Variants in ANKRD6 observed in about 807,000 individuals in gnomAD.
The protein encoded by ANKRD6 is ankyrin repeat domain-containing protein 6.
ANKRD6 carries 56 observed loss-of-function variants against 82.3 expected under a neutral mutation model. That is an observed-to-expected ratio of 0.68 (90% CI 0.55 to 0.85). The LOEUF (loss-of-function observed/expected upper bound fraction) is 0.85, where lower values mean the gene tolerates loss of function less well. ANKRD6 is among the 40% of genes least tolerant of loss of function. The pLI is 0.00. For missense variants in ANKRD6, 852 were observed against 907.6 expected (o/e 0.94, Z 0.79); for synonymous variants, 347 against 352.1 (o/e 0.99, Z 0.16).
At chr6:89,489,880 T>C (rs2127836637) in intron 1 of ANKRD6, among the ~76,000 whole-genome samples, 1 of 152,246 alleles carries the variant, frequency 6.6e-6, no homozygotes, top group South Asian at 2.1e-4. Context: ...TGACTTGGGG[T>C]GGACTTCAGC....
intron 8 of ANKRD6, 90 bp from the exon 9 acceptor site, chr6:89,617,864 G>A (rs1218790531): frequency 6.3e-6 from 8 of 1,277,810 alleles, no homozygotes; most frequent in Non-Finnish European, 7.9e-6. Context: ...GTGTGGAACT[G>A]CCTGCTCCTG....
intron 6 of ANKRD6, among the ~76,000 whole-genome samples, chr6:89,613,039 A>G (rs1201590232): frequency 1.3e-5 from 2 of 152,208 alleles, no homozygotes; most frequent in Non-Finnish European, 2.9e-5. Context: ...AATGCAGGGG[A>G]GAAAAGTATG....
intron 1 of ANKRD6, among the ~76,000 whole-genome samples, chr6:89,546,005 C>T (rs761029211): frequency 2.6e-5 from 4 of 152,138 alleles, no homozygotes; most frequent in African/African-American, 4.8e-5. Flanking sequence ...GACGGGGTTT[C>T]ACCGTGTTAT....
At chr6:89,452,082 GAGGCAGGAGGATTACC>G (rs1452029728) in intron 1 of ANKRD6, among the ~76,000 whole-genome samples, 2 of 152,196 alleles carry the variant, frequency 1.3e-5, no homozygotes, top group African/African-American at 4.8e-5. Flanking sequence ...TTGGGAAGCT[GAGGCAGGAGGATTACC>G]TGAGCCCAGG....
Position 89,627,701 on chromosome 6 carries a change from G to T in ANKRD6, c.1485+5G>T. The T allele has an allele frequency of 6.2e-7, 1 of 1,613,334 alleles. No homozygotes were observed. The highest frequency in any genetic ancestry group is 8.5e-7 in the Non-Finnish European group (1 of 1,179,468). ...CATGAGGGGGAGAAACGACAGGTAG[G>T]AACCAGCATCTGCTAGTCCTTAACT... On this transcript the variant is annotated splice_donor_5th_base_variant and intron_variant, in intron 14 of 15. Coordinates refer to ENST00000339746, the MANE Select transcript of ANKRD6 (RefSeq NM_001242809.2).
intron 1 of ANKRD6, among the ~76,000 whole-genome samples, chr6:89,526,792 C>T (rs1782550903): frequency 6.6e-6 from 1 of 152,162 alleles, no homozygotes; most frequent in East Asian, 1.9e-4. Context: ...GAGCCTATGG[C>T]GTAGGCTCCA....
chr6:89,613,205 C>T (rs1034988218), intron 6 of ANKRD6, among the ~76,000 whole-genome samples: 2 of 152,244 alleles, frequency 1.3e-5, no homozygotes, highest in Admixed American at 1.3e-4. Context: ...TTCTTCATAC[C>T]CTTTTTTTGC....
intron 2 of ANKRD6, among the ~76,000 whole-genome samples, chr6:89,587,440 G>A (rs1040645960): frequency 2.0e-5 from 3 of 152,186 alleles, no homozygotes; most frequent in African/African-American, 7.2e-5. Flanking sequence ...AGTGAGCCAG[G>A]ATGGTGCCAC....
Position 89,433,545 on chromosome 6 carries a change from G to C in ANKRD6, c.-144+170G>C, listed in dbSNP as rs1770218785. ...ACCGCGCCTCGCCCCCTGGCCTGCG[G>C]CCTCCGAAAACGCCCGGCGCGAGGG... On this transcript the variant is annotated intron_variant, in intron 1 of 15. Transcript: ENST00000339746. This position sits in a 1 kb window ranked among gnomAD's most constrained non-coding sequence, Gnocchi z 4.3. Among the ~76,000 whole-genome samples, 1 of 152,230 alleles carries C rather than the reference G, an allele frequency of 6.6e-6. No homozygotes were observed. The highest frequency in any genetic ancestry group is 2.4e-5 in the African/African-American group (1 of 41,470).
intron 1 of ANKRD6, among the ~76,000 whole-genome samples, chr6:89,459,830 A>C (rs1391357123): frequency 6.6e-6 from 1 of 152,054 alleles, no homozygotes; most frequent in African/African-American, 2.4e-5. Flanking sequence ...AAACATTATG[A>C]CAGTTATAAG....
At chr6:89,464,603 T>G (rs1774607600) in intron 1 of ANKRD6, among the ~76,000 whole-genome samples, 1 of 152,268 alleles carries the variant, frequency 6.6e-6, no homozygotes, top group Non-Finnish European at 1.5e-5. Context: ...TTCTGTATTT[T>G]AATAATGCAT....
rs575755893 is a variant in ANKRD6, at chr6:89,510,984, C to A, written c.-143-55850C>A. Among the ~76,000 whole-genome samples the A allele has an allele frequency of 2.6e-5, 4 of 152,294 alleles. No individual in the cohort carries two copies. In the South Asian group the frequency reaches 8.3e-4, roughly 32 times the overall value. ...CAGGGAATAAAGGGAGCGGTAGAAT[C>A]ACCTGCTGACAACATCTCCTCTTCA... On this transcript the variant is annotated intron_variant, in intron 1 of 15. Coordinates refer to ENST00000339746, the MANE Select transcript of ANKRD6 (RefSeq NM_001242809.2).
At chr6:89,483,719 C>T (rs1005367261) in intron 1 of ANKRD6, among the ~76,000 whole-genome samples, 3 of 152,118 alleles carry the variant, frequency 2.0e-5, no homozygotes, top group African/African-American at 2.4e-5. Context: ...ATGAATACTA[C>T]TAGGTGATTA....
intron 14 of ANKRD6, chr6:89,628,122 G>T: frequency 5.8e-6 from 1 of 173,036 alleles, no homozygotes; most frequent in Admixed American, 5.5e-5. Flanking sequence ...GGAAGATTTG[G>T]GTGGTTTTGG....
chr6:89,558,235 A>G (rs1292382253), intron 1 of ANKRD6, among the ~76,000 whole-genome samples: 1 of 152,200 alleles, frequency 6.6e-6, no homozygotes, highest in Non-Finnish European at 1.5e-5. Flanking sequence ...TGCAAATGAG[A>G]TGGAACTTAT....
intron 1 of ANKRD6, among the ~76,000 whole-genome samples, chr6:89,443,621 G>A (rs1352614365): frequency 6.6e-6 from 1 of 151,134 alleles, no homozygotes; most frequent in Non-Finnish European, 1.5e-5. Flanking sequence ...GGGACTACAG[G>A]CGCATGCCAC....
chr6:89,538,083 A>T (rs1784065654), intron 1 of ANKRD6, among the ~76,000 whole-genome samples: 2 of 152,156 alleles, frequency 1.3e-5, no homozygotes, highest in Non-Finnish European at 2.9e-5. Flanking sequence ...ACACATTCAA[A>T]AAGTATCCTA....
intron 3 of ANKRD6, among the ~76,000 whole-genome samples, chr6:89,600,918 TC>T (rs1411407567): frequency 6.6e-6 from 1 of 152,062 alleles, no homozygotes; most frequent in African/African-American, 2.4e-5. Context: ...GTGTCTGTAA[TC>T]CCAGCTACTC....
chr6:89,629,347 GATGGTA>G, intron 15 of ANKRD6, 109 bp downstream of exon 15: 1 of 1,491,896 alleles, frequency 6.7e-7, no homozygotes, highest in Non-Finnish European at 9.2e-7. Context: ...GGAAACACTG[GATGGTA>G]AAGTGCACTC....
Sources: gnomAD v4.1 joint callset for allele counts (sites outside exome capture counted in the v4.1 genomes callset) on GRCh38, gnomAD v4.1.1 for gene constraint, Gnocchi (gnomAD v3.1) non-coding constraint, MANE v1.5 for transcripts, NCBI Gene and HGNC (gene_info 2026-07-23, HGNC 2026-07-21) for gene names.